The following ABCB9 variants were observed in gnomAD, a reference collection of about 807,000 sequenced individuals.
ABCB9 encodes ATP binding cassette subfamily B member 9.
Under a neutral mutation model 62.0 loss-of-function variants are expected in ABCB9, and 36 were observed. The ratio of observed to expected loss-of-function variants is 0.58; its 90% CI spans 0.45 to 0.77. The LOEUF is 0.77. Ranked by LOEUF, ABCB9 falls within the 30% of genes least tolerant of loss-of-function variation. The pLI, the probability that ABCB9 is intolerant of heterozygous loss-of-function variation, is 0.00. For synonymous variants in ABCB9, 435 were observed against 461.4 expected (o/e 0.94, Z 0.73); for missense variants, 943 against 1,054.7 (o/e 0.89, Z 1.47).
chr12:122,957,962 G>T (rs1022484071), intron 2 of ABCB9, among the ~76,000 whole-genome samples: 1 of 151,340 alleles, frequency 6.6e-6, no homozygotes, highest in African/African-American at 2.4e-5. Flanking sequence ...TTGAACTCAG[G>T]AGTTTGAGAC....
rs1314773488 is a variant in ABCB9, at chr12:122,973,598, A to C, written c.-88+1117T>G. Among the ~76,000 whole-genome samples, 68 of 145,354 alleles carry C rather than the reference A, an allele frequency of 4.7e-4. No individual in the cohort carries two copies. The East Asian group carries it at 4.8e-3, about 10-fold the overall frequency. On this transcript the variant is annotated intron_variant, in intron 1 of 11. Transcript: ENST00000392439. ...AAAAAGAAAAAAAAAAAAAAAAAAAAAAAAAAAAAAACAAAAACTTTGGGA... is the reference window on the plus strand; with the variant it reads ...AAAAAGAAAAAAAAAAAAAAAAAAACAAAAAAAAAAACAAAAACTTTGGGA...
intron 1 of ABCB9, among the ~76,000 whole-genome samples, chr12:122,962,821 G>C (rs2036977263): frequency 6.6e-6 from 1 of 152,206 alleles, no homozygotes; most frequent in East Asian, 1.9e-4. Flanking sequence ...GCAACTTTGT[G>C]AGATGTGCAC....
intron 9 of ABCB9, chr12:122,939,813 T>C (rs543748371): frequency 2.6e-4 from 72 of 272,264 alleles, no homozygotes; most frequent in African/African-American, 1.4e-3. Flanking sequence ...ATTACAGGTG[T>C]GGGCCATCAC....
chr12:122,946,945 C>T lies in ABCB9; in HGVS notation c.1054-723G>A, dbSNP rs559447346. Reference sequence around the variant, plus strand: ...GCTGCCTGAGAGTCCAGGACAGGAGCATGCACTGGCATGTCCCATGACCAT... The same window carrying T: ...GCTGCCTGAGAGTCCAGGACAGGAGTATGCACTGGCATGTCCCATGACCAT... On this transcript the variant is annotated intron_variant, in intron 5 of 11. Transcript: ENST00000280560. Among the ~76,000 whole-genome samples the T allele has an allele frequency of 3.3e-5, 5 of 152,368 alleles. No individual in the cohort carries two copies. In the South Asian group the frequency reaches 1.0e-3, roughly 32 times the overall value.
At position 122,944,375 on chromosome 12, in the gene ABCB9, C is replaced by T; in HGVS notation, c.1380+16G>A. On this transcript the variant is annotated intron_variant, in intron 7 of 11. Transcript: ENST00000280560. This position sits in a 1 kb window ranked among gnomAD's most constrained non-coding sequence, Gnocchi z 4.9. ...CCTCCCTTCTCTCTGGATCCCCGGA[C>T]ACACTGGCCTCTCACCTCCATACAA... The T allele has an allele frequency of 6.2e-7, 1 of 1,608,790 alleles. No individual in the cohort carries two copies. The highest frequency in any genetic ancestry group is 8.5e-7 in the Non-Finnish European group (1 of 1,176,426).
intron 5 of ABCB9, 66 bp from the exon 6 acceptor site, chr12:122,946,288 C>CA (rs1436336414): frequency 1.2e-5 from 19 of 1,566,270 alleles, no homozygotes; most frequent in Non-Finnish European, 1.6e-5. Flanking sequence ...CTGGAGCCCC[C>CA]AGGCCTCTCT....
intron 1 of ABCB9, among the ~76,000 whole-genome samples, chr12:122,971,549 G>T (rs948891679): frequency 6.6e-6 from 1 of 151,890 alleles, no homozygotes; most frequent in African/African-American, 2.4e-5. Flanking sequence ...TGCTTCCCAG[G>T]TTCAAGTGAT....
At chr12:122,963,428 A>G (rs2037016654) in intron 1 of ABCB9, among the ~76,000 whole-genome samples, 1 of 152,194 alleles carries the variant, frequency 6.6e-6, no homozygotes, top group Non-Finnish European at 1.5e-5. Flanking sequence ...GGCTCCAGGC[A>G]CTTACATGCG....
At chr12:122,971,939 A>C (rs1258361422) in intron 1 of ABCB9, among the ~76,000 whole-genome samples, 1 of 152,182 alleles carries the variant, frequency 6.6e-6, no homozygotes, top group Non-Finnish European at 1.5e-5. Context: ...TGATCTTAAA[A>C]AAAAGGAAAT....
downstream of ABCB9, among the ~76,000 whole-genome samples, chr12:122,920,362 G>GAA (rs74263734): frequency 0.042 from 4,345 of 103,270 alleles, 238 homozygotes; most frequent in African/African-American, 0.13. Context: ...AACTGCAAAG[G>GAA]AAAAAAAAAA....
intron 11 of ABCB9, among the ~76,000 whole-genome samples, chr12:122,931,086 G>A (rs2035130285): frequency 6.6e-6 from 1 of 151,644 alleles, no homozygotes; most frequent in Non-Finnish European, 1.5e-5. Context: ...GTGCAGTGGT[G>A]CAATCTCGGC....
At position 122,940,052 on chromosome 12, in the gene ABCB9, A is replaced by G; in HGVS notation, c.1743+59T>C. ...CTCTTCCGCACCTGTTACAGCTCAC[A>G]AGAAAGACGGTTAGATGCAGAAAGG... On this transcript the variant is annotated intron_variant, in intron 9 of 11. Coordinates refer to ENST00000280560, the MANE Select transcript of ABCB9 (RefSeq NM_019625.4). The surrounding 1 kb of genome is among the most constrained non-coding windows in gnomAD (Gnocchi z 4.8). 3 of 1,552,928 alleles carry G rather than the reference A, an allele frequency of 1.9e-6. No individual in the cohort carries two copies. The highest frequency in any genetic ancestry group is 2.6e-6 in the Non-Finnish European group (3 of 1,145,856).
At position 122,964,698 on chromosome 12, in the gene ABCB9, C is replaced by A. The variant is rs2037084165; in HGVS notation, c.-88+1589G>T. Among the ~76,000 whole-genome samples the A allele has an allele frequency of 6.6e-6, 1 of 152,216 alleles. No homozygotes were observed. The highest frequency in any genetic ancestry group is 1.5e-5 in the Non-Finnish European group (1 of 68,028). ...GGCTCGGCCAGGTGGAGCTGGAGGG[C>A]AAATTGTGAGCACATGGGTGACCTG... On this transcript the variant is annotated intron_variant, in intron 1 of 11. Coordinates refer to ENST00000280560, the MANE Select transcript of ABCB9 (RefSeq NM_019625.4). This position sits in a 1 kb window ranked among gnomAD's most constrained non-coding sequence, Gnocchi z 4.7.
chr12:122,960,644 G>A (rs1334090498), intron 1 of ABCB9, among the ~76,000 whole-genome samples: 4 of 151,848 alleles, frequency 2.6e-5, no homozygotes, highest in African/African-American at 4.8e-5. Context: ...TTGGGAGGCC[G>A]AGGTAGGTGG....
chr12:122,920,730 C>T (rs1369132354), downstream of ABCB9, among the ~76,000 whole-genome samples: 4 of 150,924 alleles, frequency 2.7e-5, no homozygotes, highest in Admixed American at 2.0e-4. Context: ...CATGGTGAAA[C>T]CCCGTTTCTA....
In ABCB9 at chr12:122,940,879, G is replaced by T. The variant is rs775241454; in HGVS notation, c.1497C>A (p.His499Gln). 6.2e-7 allele frequency: 1 copy of T among 1,612,262 alleles called. No individual in the cohort carries two copies. Among genetic ancestry groups the T allele is most frequent in the South Asian group, 1.1e-5 (1 of 90,686 alleles). Residue 499 changes from histidine to glutamine, a missense_variant, in exon 8 of 12, where the codon CAC (histidine) becomes CAA (glutamine). By Grantham distance (24) the His-to-Gln change is conservative. Coordinates refer to ENST00000280560, the MANE Select transcript of ABCB9 (RefSeq NM_019625.4). This position sits in a 1 kb window ranked among gnomAD's most constrained non-coding sequence, Gnocchi z 4.8. ...TCTCAAAGTCCACCCGGCCCTCCAG[G>T]TGGTCGGGGGCCAAGCTGCCATCGT... ...MVHDGSLAPD[H>Q]LEGRVDFENV...
rs991058186 is a variant in ABCB9 at position 122,929,397 on chromosome 12, C to A, written c.*514G>T. On this transcript the variant is annotated 3_prime_UTR_variant, in exon 12 of 12. Coordinates refer to ENST00000280560, the MANE Select transcript of ABCB9 (RefSeq NM_019625.4). This position sits in a 1 kb window ranked among gnomAD's most constrained non-coding sequence, Gnocchi z 6.0. Reference sequence around the variant, plus strand: ...TCACAGAGCTGGCAAGAGGGAGAGACGGAAAATCCCGTTCCCCGTGTCTCC... The same window carrying A: ...TCACAGAGCTGGCAAGAGGGAGAGAAGGAAAATCCCGTTCCCCGTGTCTCC... 2 of 986,206 alleles carry A rather than the reference C, an allele frequency of 2.0e-6. No individual in the cohort carries two copies. Among genetic ancestry groups the A allele is most frequent in the Non-Finnish European group, 2.4e-6 (2 of 830,344 alleles). The allele number at this position is 986,206 out of a possible 1,614,324, so 61.1% of individuals were successfully genotyped here. A position where few individuals can be genotyped will look rare whatever the true frequency, so the allele number is the denominator to read the frequency against.
chr12:122,924,238 A>C (rs956866891), downstream of ABCB9, among the ~76,000 whole-genome samples: 2 of 152,210 alleles, frequency 1.3e-5, no homozygotes, highest in Non-Finnish European at 2.9e-5. Context: ...TGCTAAATAC[A>C]TTTATAACCC....
At position 122,940,250 on chromosome 12, in the gene ABCB9, G is replaced by A. The variant is rs1410076544; in HGVS notation, c.1604C>T (p.Thr535Met). Residue 535 changes from threonine to methionine, a missense_variant, in exon 9 of 12, where the codon ACG (threonine) becomes ATG (methionine). Coordinates refer to ENST00000280560, the MANE Select transcript of ABCB9 (RefSeq NM_019625.4). This position sits in a 1 kb window ranked among gnomAD's most constrained non-coding sequence, Gnocchi z 4.8. ...VSFSLSPGKV[T>M]ALVGPSGSGK... ...ACTGCCCGAGGGCCCCACCAGGGCC[G>A]TCACCTTGCCGGGGGACAGGCTGAA... 37 of 1,607,502 alleles carry A rather than the reference G, an allele frequency of 2.3e-5. No individual in the cohort carries two copies. The highest frequency in any genetic ancestry group is 3.3e-5 in the South Asian group (3 of 90,482).
Sources: gnomAD v4.1 joint callset for allele counts (sites outside exome capture counted in the v4.1 genomes callset) on GRCh38, gnomAD v4.1.1 for gene constraint, Gnocchi (gnomAD v3.1) non-coding constraint, MANE v1.5 for transcripts, NCBI Gene and HGNC (gene_info 2026-07-23, HGNC 2026-07-21) for gene names.